TRIM35: variants seen among roughly 807,000 people sequenced by gnomAD.
The protein encoded by TRIM35 is tripartite motif containing 35, also known as E3 ubiquitin-protein ligase TRIM35.
TRIM35 carries 37 observed loss-of-function variants against 49.1 expected under a neutral mutation model. That is an observed-to-expected ratio of 0.75 (90% CI 0.58 to 0.99). The LOEUF (loss-of-function observed/expected upper bound fraction) is 0.99. Among genes scored for constraint, TRIM35 ranks in the 50% least tolerant of loss-of-function variants. The pLI, the probability that TRIM35 is intolerant of heterozygous loss-of-function variation, is 0.00. For missense variants in TRIM35, 648 were observed against 702.7 expected (o/e 0.92, Z 0.88); for synonymous variants, 302 against 289.3 (o/e 1.04, Z -0.45).
At chr8:27,294,334 CA>C in intron 2 of TRIM35, 24 bp from the exon 3 acceptor site, 2 of 1,606,162 alleles carry the variant, frequency 1.2e-6, no homozygotes, top group Non-Finnish European at 1.7e-6. Flanking sequence ...CAGGAGGAGT[CA>C]GGGGTCAGAT....
At position 27,286,132 on chromosome 8, in the gene TRIM35, C is replaced by T. The variant is rs1802313001; in HGVS notation, c.*1418G>A. The T allele has an allele frequency of 2.2e-6, 1 of 456,126 alleles. No individual in the cohort carries two copies. Among genetic ancestry groups the T allele is most frequent in the Non-Finnish European group, 4.4e-6 (1 of 226,982 alleles). 28.3% of individuals were successfully genotyped at this position (456,126 alleles called of 1,614,324 possible). ...CAGGAATGTGACCCAGATTTTAACACTGCTCCTAGGAAAAAAAAATATTTC... is the reference window on the plus strand; with the variant it reads ...CAGGAATGTGACCCAGATTTTAACATTGCTCCTAGGAAAAAAAAATATTTC... On this transcript the variant is annotated 3_prime_UTR_variant, in exon 6 of 6. Coordinates refer to ENST00000305364, the MANE Select transcript of TRIM35 (RefSeq NM_171982.5).
At chr8:27,296,569 G>C (rs1802571627) in intron 2 of TRIM35, among the ~76,000 whole-genome samples, 1 of 152,126 alleles carries the variant, frequency 6.6e-6, no homozygotes, top group Non-Finnish European at 1.5e-5. Context: ...AAAAGCTCAG[G>C]ACTCCTACAC....
At chr8:27,294,637 G>C (rs1802529375) in intron 2 of TRIM35, among the ~76,000 whole-genome samples, 4 of 152,144 alleles carry the variant, frequency 2.6e-5, no homozygotes, top group Admixed American at 2.6e-4. Context: ...AACAAGGGAA[G>C]TCCTGAATCA....
At chr8:27,300,588 G>A (rs1586051654) in intron 1 of TRIM35, among the ~76,000 whole-genome samples, 1 of 152,052 alleles carries the variant, frequency 6.6e-6, no homozygotes, top group East Asian at 1.9e-4. Context: ...TAGCCCATTT[G>A]TCCCACTCAG....
At chr8:27,307,728 G>T (rs1385322327) in intron 1 of TRIM35, among the ~76,000 whole-genome samples, 3 of 152,186 alleles carry the variant, frequency 2.0e-5, no homozygotes, top group Non-Finnish European at 4.4e-5. Flanking sequence ...AACTGAACAA[G>T]GCTCCAGGTG....
intron 1 of TRIM35, among the ~76,000 whole-genome samples, chr8:27,308,679 A>G (rs1322003226): frequency 6.6e-6 from 1 of 152,136 alleles, no homozygotes; most frequent in Admixed American, 6.5e-5. Context: ...ATCAGTACCC[A>G]TTTGTCTAGT....
intron 3 of TRIM35, among the ~76,000 whole-genome samples, chr8:27,292,026 A>C (rs1026785830): frequency 2.0e-5 from 3 of 152,188 alleles, no homozygotes; most frequent in Non-Finnish European, 2.9e-5. Flanking sequence ...GTAACACATA[A>C]ATTTTGGGGA....
intron 1 of TRIM35, among the ~76,000 whole-genome samples, chr8:27,305,993 C>T (rs1269118879): frequency 1.3e-5 from 2 of 152,040 alleles, no homozygotes. Flanking sequence ...TGTGCCACCA[C>T]ACCCGGCTAA....
chr8:27,285,681 A>C lies in TRIM35; in HGVS notation c.*1869T>G, dbSNP rs561345805. 2 of 152,028 alleles carry C rather than the reference A, an allele frequency of 1.3e-5. No individual in the cohort carries two copies. Among genetic ancestry groups the C allele is most frequent in the South Asian group, 2.1e-4 (1 of 4,820 alleles). 9.4% of individuals were successfully genotyped at this position (152,028 alleles called of 1,614,324 possible). On this transcript the variant is annotated 3_prime_UTR_variant, in exon 6 of 6. Transcript: ENST00000305364. ...GTTATCCTGTTAAAAAAAAAAAAAAAAAAAAAACTCTTCCCATATCTAAGG... is the reference window on the plus strand; with the variant it reads ...GTTATCCTGTTAAAAAAAAAAAAAACAAAAAAACTCTTCCCATATCTAAGG...
chr8:27,298,594 G>T (rs1339384853), intron 1 of TRIM35, 35 bp from the exon 2 acceptor site: 1 of 1,582,970 alleles, frequency 6.3e-7, no homozygotes. Context: ...AGGAAGACAG[G>T]TTAGGGCTGG....
At chr8:27,291,733 G>T (rs925734467) in intron 3 of TRIM35, among the ~76,000 whole-genome samples, 2 of 152,108 alleles carry the variant, frequency 1.3e-5, no homozygotes, top group African/African-American at 4.8e-5. Context: ...TATTTCACTC[G>T]TGGTTCTGAA....
At chr8:27,310,195 A>G (rs1476767432) in intron 1 of TRIM35, among the ~76,000 whole-genome samples, 1 of 152,132 alleles carries the variant, frequency 6.6e-6, no homozygotes, top group African/African-American at 2.4e-5. Context: ...AGAATTCTCC[A>G]TGTTAGTTTT....
At position 27,287,374 on chromosome 8, in the gene TRIM35, G is replaced by T; in HGVS notation, c.*176C>A. ...ATAGCTCCTGACCATGGGCACAGAA[G>T]GGACCAAACATGGAGAGAGGCACAG... On this transcript the variant is annotated 3_prime_UTR_variant, in exon 6 of 6. Coordinates refer to ENST00000305364, the MANE Select transcript of TRIM35 (RefSeq NM_171982.5). This position sits in a 1 kb window ranked among gnomAD's most constrained non-coding sequence, Gnocchi z 6.0. 1.4e-6 allele frequency: 1 copy of T among 709,420 alleles called. No individual in the cohort carries two copies. Among genetic ancestry groups the T allele is most frequent in the Non-Finnish European group, 2.3e-6 (1 of 440,266 alleles). 43.9% of individuals were successfully genotyped at this position (709,420 alleles called of 1,614,324 possible). A position where few individuals can be genotyped will look rare whatever the true frequency, so the allele number is the denominator to read the frequency against.
Position 27,294,250 on chromosome 8 carries a change from A to G in TRIM35, c.592T>C (p.Leu198=). 1 of 1,614,176 alleles carries G rather than the reference A, an allele frequency of 6.2e-7. No homozygotes were observed. Among genetic ancestry groups the G allele is most frequent in the Middle Eastern group, 1.6e-4 (1 of 6,062 alleles). Residue 198 remains leucine (L), a synonymous_variant, in exon 3 of 6, where the codon TTG becomes CTG. Transcript: ENST00000305364. ...RQEFDKLREF[L]RVEEQAILDA... ...AGAATGGCCTGCTCCTCCACTCTCA[A>G]GAACTCGCGAAGCTTATCAAACTCC...
Position 27,311,057 on chromosome 8 carries a change from C to G in TRIM35, c.179G>C (p.Cys60Ser), listed in dbSNP as rs1312316455. 6.3e-7 allele frequency: 1 copy of G among 1,597,770 alleles called. No homozygotes were observed. Among genetic ancestry groups the G allele is most frequent in the Non-Finnish European group, 8.5e-7 (1 of 1,172,998 alleles). ...GTCGGCGGGTGACGCGCGGTCTTTG[C>G]ACACTGGGCAGGTGGGCGACACCTG... ...EVQVSPTCPV[C>S]KDRASPADLR... Residue 60 changes from cysteine (C) to serine (S), a missense_variant, in exon 1 of 6, where the codon TGC (cysteine) becomes TCC (serine). By Grantham distance (112) the Cys-to-Ser change is moderately radical. Coordinates refer to ENST00000305364, the MANE Select transcript of TRIM35 (RefSeq NM_171982.5).
rs755173988 is a variant in TRIM35, at chr8:27,298,453, C to A, written c.531+11G>T. The A allele has an allele frequency of 3.1e-6, 5 of 1,613,666 alleles. No homozygotes were observed. The highest frequency in any genetic ancestry group is 3.3e-5 in the Admixed American group (2 of 60,006). On this transcript the variant is annotated intron_variant, in intron 2 of 5. Coordinates refer to ENST00000305364, the MANE Select transcript of TRIM35 (RefSeq NM_171982.5). ...ACCCAATCTTCCCACTTGGCCCCAT[C>A]GTTCGCTCACCTGATTGTGCTTGGC...
chr8:27,297,484 A>T (rs1474919372), intron 2 of TRIM35, among the ~76,000 whole-genome samples: 2 of 152,218 alleles, frequency 1.3e-5, no homozygotes, highest in African/African-American at 2.4e-5. Context: ...TTGGTCACCT[A>T]CCCACTTCAC....
At chr8:27,290,296 A>C in intron 3 of TRIM35, 118 bp from the exon 4 acceptor site, 1 of 986,196 alleles carries the variant, frequency 1.0e-6, no homozygotes, top group Non-Finnish European at 1.5e-6. Context: ...TATTGTCAAG[A>C]TGTTAACAAT....
rs1802515300 is a variant in TRIM35 at position 27,294,156 on chromosome 8, T to C, written c.686A>G (p.Glu229Gly). ...CTCATGTGCCAGCACCTCCGTCTCC[T>C]CTGTGAGCTGCTTCATCTTCTCGTC... Reference protein sequence around the residue: ...LADEKMKQLTEETEVLAHEIE... With the variant: ...LADEKMKQLTGETEVLAHEIE... Residue 229 changes from glutamate to glycine, a missense_variant, in exon 3 of 6, where the codon GAG becomes GGG. By Grantham distance (98) the Glu-to-Gly change is moderately conservative. Transcript: ENST00000305364. The C allele has an allele frequency of 1.9e-6, 3 of 1,614,108 alleles. No homozygotes were observed. Among genetic ancestry groups the C allele is most frequent in the African/African-American group, 1.3e-5 (1 of 74,942 alleles).
Sources: allele counts gnomAD v4.1 joint callset (sites outside exome capture counted in the v4.1 genomes callset), GRCh38; gene constraint gnomAD v4.1.1; non-coding constraint Gnocchi (gnomAD v3.1); transcripts MANE v1.5; gene names NCBI Gene and HGNC (gene_info 2026-07-23, HGNC 2026-07-21).